The following CHD9 variants were observed in gnomAD, a reference collection of about 807,000 sequenced individuals.
The protein encoded by CHD9 is chromodomain helicase DNA binding protein 9.
A neutral mutation model predicts 316.1 loss-of-function variants in CHD9; 77 were observed. That is an observed-to-expected ratio of 0.24 (90% CI 0.20 to 0.29). The LOEUF is 0.29. Among genes scored for constraint, CHD9 ranks in the 10% least tolerant of loss-of-function variants. CHD9 has a pLI of 1.00. For missense variants in CHD9, 2,763 were observed against 3,438.1 expected, an observed-to-expected ratio of 0.80 and a Z score of 4.91; for synonymous variants, 1,129 against 1,158.3, an observed-to-expected ratio of 0.97 and a Z score of 0.51.
chr16:53,312,367 C>T (rs532632892), intron 34 of CHD9, among the ~76,000 whole-genome samples: 182 of 152,204 alleles, frequency 1.2e-3, no homozygotes, highest in Non-Finnish European at 2.1e-3. Flanking sequence ...AGAGGAAAGT[C>T]ATTGCTTTCT....
At chr16:53,255,100 T>C (rs1478210822) in intron 18 of CHD9, among the ~76,000 whole-genome samples, 3 of 152,008 alleles carry the variant, frequency 2.0e-5, no homozygotes, top group Non-Finnish European at 4.4e-5. Flanking sequence ...TGCTTGAGCC[T>C]AGGAGTTTGA....
At chr16:53,259,058 G>A (rs528655843) in intron 19 of CHD9, among the ~76,000 whole-genome samples, 34 of 152,264 alleles carry the variant, frequency 2.2e-4, no homozygotes, top group Admixed American at 2.2e-3. Context: ...AATGGCGGAA[G>A]GAATGCATTT....
chr16:53,266,489 A>G (rs754248841), intron 20 of CHD9, among the ~76,000 whole-genome samples: 2 of 152,138 alleles, frequency 1.3e-5, no homozygotes, highest in African/African-American at 2.4e-5. Flanking sequence ...CTGCCTGGCA[A>G]ACTACTTCTA....
intron 2 of CHD9, among the ~76,000 whole-genome samples, chr16:53,160,353 G>T (rs905776210): frequency 2.6e-5 from 4 of 152,026 alleles, no homozygotes; most frequent in African/African-American, 7.2e-5. Flanking sequence ...CCTTTTTATA[G>T]ATTTGGAATG....
chr16:53,324,178 A>C lies in CHD9; in HGVS notation c.7977A>C (p.Leu2659Phe), dbSNP rs1441104552. ...CCAGTGTTTCAGGCAATCCTTTGTT[A>C]GCCAATGGACTACTTCCAGGTGTGG... The part of the protein sequence containing the change: ...SATSVSGNPL[L>F]ANGLLPGVDL... Residue 2659 changes from leucine (L) to phenylalanine (F), a missense_variant, in exon 39 of 39, where the codon TTA (leucine) becomes TTC (phenylalanine). Transcript: ENST00000447540. The C allele has an allele frequency of 4.8e-5, 77 of 1,613,916 alleles. No individual in the cohort carries two copies. The highest frequency in any genetic ancestry group is 6.2e-5 in the Non-Finnish European group (73 of 1,179,900).
Position 53,263,341 on chromosome 16 carries a change from T to G in CHD9, c.4320+244T>G, listed in dbSNP as rs535402946. Reference sequence around the variant, plus strand: ...TGGATATAATTTACATTCTTAAAATTATAATATGTTTTTTAAATTTTTTAA... The same window carrying G: ...TGGATATAATTTACATTCTTAAAATGATAATATGTTTTTTAAATTTTTTAA... On this transcript the variant is annotated intron_variant, in intron 20 of 38. Transcript: ENST00000447540. Among the ~76,000 whole-genome samples, 3 of 152,248 alleles carry G rather than the reference T, an allele frequency of 2.0e-5. No individual in the cohort carries two copies. In the South Asian group the frequency reaches 6.2e-4, roughly 32 times the overall value.
rs1459997811 is a variant in CHD9 at position 53,231,752 on chromosome 16, C to T, written c.2479C>T (p.Leu827=). The change falls in exon 10 of 39, where the codon CTG becomes TTG. Residue 827 remains leucine, a synonymous_variant. Transcript: ENST00000447540. ...DLAKIEEFEQ[L]QASRPDTRRL... ...TGCAAAAATAGAAGAGTTTGAACAACTGCAAGCTTCAAGGCCTGACACAAG... is the reference window on the plus strand; with the variant it reads ...TGCAAAAATAGAAGAGTTTGAACAATTGCAAGCTTCAAGGCCTGACACAAG... The T allele has an allele frequency of 6.2e-7, 1 of 1,611,316 alleles. No individual in the cohort carries two copies. Among genetic ancestry groups the T allele is most frequent in the Non-Finnish European group, 8.5e-7 (1 of 1,178,844 alleles).
intron 2 of CHD9, among the ~76,000 whole-genome samples, chr16:53,177,039 T>C (rs1300836084): frequency 6.6e-6 from 1 of 152,232 alleles, no homozygotes; most frequent in Admixed American, 6.5e-5. Context: ...CAATGCAGCC[T>C]CCGCCTCCCA....
intron 19 of CHD9, among the ~76,000 whole-genome samples, chr16:53,261,512 T>G (rs1285456166): frequency 6.6e-6 from 1 of 151,974 alleles, no homozygotes; most frequent in Non-Finnish European, 1.5e-5. Flanking sequence ...TAGCTGGGAC[T>G]ACAGGTGTGC....
chr16:53,167,102 C>T (rs1377540756), intron 2 of CHD9, among the ~76,000 whole-genome samples: 2 of 151,918 alleles, frequency 1.3e-5, no homozygotes, highest in Non-Finnish European at 2.9e-5. Flanking sequence ...TGGACAGATA[C>T]ATATTTAATA....
At chr16:53,056,995 C>T (rs1171269234) in intron 1 of CHD9, among the ~76,000 whole-genome samples, 3 of 151,806 alleles carry the variant, frequency 2.0e-5, no homozygotes, top group African/African-American at 4.8e-5. Flanking sequence ...AAAAATTATA[C>T]ACATTGAATA....
intron 1 of CHD9, among the ~76,000 whole-genome samples, chr16:53,100,453 C>CT (rs61450186): frequency 0.011 from 1,478 of 129,614 alleles, 13 homozygotes; most frequent in Middle Eastern, 0.016. Context: ...ACTCATTCGT[C>CT]TTTTTTTTTT....
chr16:53,156,594 G>T lies in CHD9; in HGVS notation c.505G>T (p.Glu169Ter). 6.2e-7 allele frequency: 1 copy of T among 1,613,910 alleles called. No individual in the cohort carries two copies. Among genetic ancestry groups the T allele is most frequent in the Non-Finnish European group, 8.5e-7 (1 of 1,179,878 alleles). The change falls in exon 2 of 39, where the codon GAA becomes TAA. Residue 169 changes from glutamate (E) to a stop codon, truncating the protein, a stop_gained. Transcript: ENST00000447540. LOFTEE classifies it high-confidence loss of function. ...HHDFALFQAN[E>*]QQTQCTSLRS... ...TGACTTTGCCTTATTTCAGGCCAAT[G>T]AACAACAAACACAGTGTACTTCACT...
At chr16:53,134,599 T>A (rs1472804688) in intron 1 of CHD9, among the ~76,000 whole-genome samples, 1 of 152,226 alleles carries the variant, frequency 6.6e-6, no homozygotes, top group Non-Finnish European at 1.5e-5. Context: ...CTTAGTATAA[T>A]TATTTGTTGC....
chr16:53,189,086 G>A (rs184864180), intron 2 of CHD9, among the ~76,000 whole-genome samples: 5 of 151,744 alleles, frequency 3.3e-5, no homozygotes, highest in South Asian at 4.2e-4. Flanking sequence ...TTGAAAGATC[G>A]TAGCTTCCAA....
Position 53,247,285 on chromosome 16 carries a change from T to C in CHD9, c.3455-8T>C. 6.3e-7 allele frequency: 1 copy of C among 1,577,102 alleles called. No homozygotes were observed. Among genetic ancestry groups the C allele is most frequent in the Non-Finnish European group, 8.6e-7 (1 of 1,156,716 alleles). On this transcript the variant is annotated splice_region_variant and splice_polypyrimidine_tract_variant and intron_variant, in intron 15 of 38. Coordinates refer to ENST00000447540, the MANE Select transcript of CHD9 (RefSeq NM_001308319.2). ...CATTGCTGTTATCTTCTCCTATTTC[T>C]TTGACAGGTGCTGAGGAGAAAATAC...
At chr16:53,094,851 T>C (rs1386771842) in intron 1 of CHD9, among the ~76,000 whole-genome samples, 1 of 151,990 alleles carries the variant, frequency 6.6e-6, no homozygotes, top group Non-Finnish European at 1.5e-5. Context: ...GTTGGTCAGG[T>C]TGGTTTTGAA....
At chr16:53,059,282 A>T (rs545422547) in intron 1 of CHD9, among the ~76,000 whole-genome samples, 1 of 152,272 alleles carries the variant, frequency 6.6e-6, no homozygotes, top group Non-Finnish European at 1.5e-5. Flanking sequence ...GTGGAGAAGA[A>T]AATTTCTCAT....
chr16:53,083,412 G>A (rs1340992862), intron 1 of CHD9, among the ~76,000 whole-genome samples: 1 of 152,078 alleles, frequency 6.6e-6, no homozygotes, highest in Non-Finnish European at 1.5e-5. Flanking sequence ...CTAACTGGCA[G>A]CAAAAAGATA....
Sources: allele counts gnomAD v4.1 joint callset (sites outside exome capture counted in the v4.1 genomes callset), GRCh38; gene constraint gnomAD v4.1.1; transcripts MANE v1.5; gene names NCBI Gene and HGNC (gene_info 2026-07-23, HGNC 2026-07-21).